PSMD14: variants seen among roughly 807,000 people sequenced by gnomAD.
PSMD14 encodes proteasome 26S subunit, non-ATPase 14.
Under a neutral mutation model 41.2 loss-of-function variants are expected in PSMD14, and 7 were observed. The ratio of observed to expected loss-of-function variants is 0.17; its 90% CI spans 0.10 to 0.32. The LOEUF (loss-of-function observed/expected upper bound fraction) is 0.32, where lower values mean the gene tolerates loss of function less well. PSMD14 is among the 10% of genes least tolerant of loss of function. The pLI is 1.00. For missense variants in PSMD14, 139 were observed against 375.6 expected, an observed-to-expected ratio of 0.37 and a Z score of 5.21; for synonymous variants, 114 against 122.3, an observed-to-expected ratio of 0.93 and a Z score of 0.45.
At chr2:161,332,646 A>C (rs1368445553) in intron 3 of PSMD14, among the ~76,000 whole-genome samples, 1 of 152,214 alleles carries the variant, frequency 6.6e-6, no homozygotes, top group African/African-American at 2.4e-5. Context: ...CAAGTATTAC[A>C]CTGCTTAATG....
At chr2:161,382,630 C>A (rs1304259532) in intron 7 of PSMD14, 1 of 151,646 alleles carries the variant, frequency 6.6e-6, no homozygotes, top group Non-Finnish European at 1.5e-5. Context: ...ATTGTGTAGG[C>A]CTTCAGCATG....
At chr2:161,411,224 G>A (rs1384499692) in intron 11 of PSMD14, 78 bp from the exon 12 acceptor site, 2 of 829,526 alleles carry the variant, frequency 2.4e-6, no homozygotes, top group Non-Finnish European at 3.6e-6. Context: ...AGTTTCATCA[G>A]CTACTGAAAA....
intron 3 of PSMD14, among the ~76,000 whole-genome samples, chr2:161,321,213 A>T (rs936169157): frequency 6.6e-6 from 1 of 152,164 alleles, no homozygotes; most frequent in Non-Finnish European, 1.5e-5. Flanking sequence ...AAATAGGAGC[A>T]GGTCACTTGC....
At chr2:161,354,278 C>T (rs1239189254) in intron 3 of PSMD14, among the ~76,000 whole-genome samples, 1 of 152,118 alleles carries the variant, frequency 6.6e-6, no homozygotes, top group Non-Finnish European at 1.5e-5. Context: ...GACAGAGTCT[C>T]ACTCTTGCCC....
intron 6 of PSMD14, 81 bp downstream of exon 6, chr2:161,370,258 AT>A: frequency 9.1e-7 from 1 of 1,095,806 alleles, no homozygotes; most frequent in African/African-American, 1.6e-5. Context: ...ATGTTTATCA[AT>A]GTCATTTCTA....
At chr2:161,337,925 G>A (rs1434172996) in intron 3 of PSMD14, among the ~76,000 whole-genome samples, 2 of 151,964 alleles carry the variant, frequency 1.3e-5, no homozygotes, top group Non-Finnish European at 2.9e-5. Context: ...CTACTTAATT[G>A]TTACAAGAAT....
chr2:161,321,913 G>A (rs1415886409), intron 3 of PSMD14, among the ~76,000 whole-genome samples: 1 of 152,088 alleles, frequency 6.6e-6, no homozygotes, highest in African/African-American at 2.4e-5. Context: ...TTTGGTTTCC[G>A]AGTTTTTATT....
chr2:161,344,830 A>C (rs958340390), intron 3 of PSMD14, among the ~76,000 whole-genome samples: 7 of 152,210 alleles, frequency 4.6e-5, no homozygotes, highest in African/African-American at 1.4e-4. Flanking sequence ...ATTATCTCTC[A>C]GTCTATGGCT....
chr2:161,351,585 C>T (rs1474840511), intron 3 of PSMD14, among the ~76,000 whole-genome samples: 1 of 152,170 alleles, frequency 6.6e-6, no homozygotes, highest in African/African-American at 2.4e-5. Flanking sequence ...CTTAAATGAT[C>T]CCTTACCCTC....
intron 10 of PSMD14, among the ~76,000 whole-genome samples, chr2:161,401,751 G>C (rs1683882557): frequency 6.6e-6 from 1 of 150,438 alleles, no homozygotes; most frequent in South Asian, 2.1e-4. Flanking sequence ...ATGTTGTTTA[G>C]GGCCACTTAA....
In PSMD14 at chr2:161,334,214, T is replaced by C. The variant is rs977832407; in HGVS notation, c.48+15341T>C. Among the ~76,000 whole-genome samples, 4 of 152,062 alleles carry C rather than the reference T, an allele frequency of 2.6e-5. No homozygotes were observed. In the South Asian group the frequency reaches 6.2e-4, roughly 24 times the overall value. On this transcript the variant is annotated intron_variant, in intron 3 of 11. Coordinates refer to ENST00000409682, the MANE Select transcript of PSMD14 (RefSeq NM_005805.6). ...AAGTGGGTATGGTGTTGCATGCCTGTAATCCCAACTACTCAGGAGGCTGAG... is the reference window on the plus strand; with the variant it reads ...AAGTGGGTATGGTGTTGCATGCCTGCAATCCCAACTACTCAGGAGGCTGAG...
At chr2:161,327,981 T>TGTGTGTGTGTGTGTGTGTGTGTGTGTGA (rs1268803464) in intron 3 of PSMD14, among the ~76,000 whole-genome samples, 6 of 148,912 alleles carry the variant, frequency 4.0e-5, no homozygotes, top group African/African-American at 1.3e-4. Flanking sequence ...TGTGTGTGTG[T>TGTGTGTGTGTGTGTGTGTGTGTGTGTGA]GTGAGATGTT....
At chr2:161,388,364 G>T (rs1214716549) in intron 8 of PSMD14, among the ~76,000 whole-genome samples, 3 of 152,036 alleles carry the variant, frequency 2.0e-5, no homozygotes, top group Non-Finnish European at 2.9e-5. Context: ...CCATAAAGTT[G>T]AGTTGCCCAG....
chr2:161,333,867 C>A (rs142206787), intron 3 of PSMD14, among the ~76,000 whole-genome samples: 1 of 151,874 alleles, frequency 6.6e-6, no homozygotes, highest in Non-Finnish European at 1.5e-5. Context: ...CCCATCTCTA[C>A]TAAAAATACA....
chr2:161,363,409 A>G (rs75266442), intron 3 of PSMD14, among the ~76,000 whole-genome samples: 2,582 of 152,274 alleles, frequency 0.017, 30 homozygotes, highest in Non-Finnish European at 0.028. Context: ...TTGTTATAAT[A>G]CTTTTACCCT....
In PSMD14 at chr2:161,365,468, C is replaced by T. The variant is rs147243946; in HGVS notation, c.49-2010C>T. Among the ~76,000 whole-genome samples the T allele has an allele frequency of 4.3e-3, 659 of 152,006 alleles. 5 individuals carry two copies. The highest frequency in any genetic ancestry group is 0.02 in the Middle Eastern group (6 of 294). On this transcript the variant is annotated intron_variant, in intron 3 of 11. Transcript: ENST00000409682. ...CCTTCTTTGGTGGCAGAAATAGTTT[C>T]TGGATTCTTTCAGTAATGCATTTTG...
chr2:161,331,934 A>G (rs1315921878), intron 3 of PSMD14, among the ~76,000 whole-genome samples: 4 of 152,238 alleles, frequency 2.6e-5, no homozygotes, highest in Non-Finnish European at 4.4e-5. Flanking sequence ...AGAACTAACA[A>G]GAAGTGGAGC....
At chr2:161,383,142 C>T (rs532717869) in intron 7 of PSMD14, 2 of 151,610 alleles carry the variant, frequency 1.3e-5, no homozygotes, top group Non-Finnish European at 3.0e-5. Flanking sequence ...TGATAGGTTG[C>T]TCTAAAGGAT....
chr2:161,397,705 A>G (rs1243319023), intron 10 of PSMD14, among the ~76,000 whole-genome samples: 2 of 152,192 alleles, frequency 1.3e-5, no homozygotes, highest in African/African-American at 4.8e-5. Flanking sequence ...TGAGAGAACT[A>G]AGCTTTAAAA....
Sources: allele counts gnomAD v4.1 joint callset (sites outside exome capture counted in the v4.1 genomes callset), GRCh38; gene constraint gnomAD v4.1.1; transcripts MANE v1.5; gene names NCBI Gene and HGNC (gene_info 2026-07-23, HGNC 2026-07-21).